Variants in CAMKMT observed in about 807,000 individuals in gnomAD.
CAMKMT encodes calmodulin-lysine N-methyltransferase.
CAMKMT carries 53 observed loss-of-function variants against 48.0 expected under a neutral mutation model. The observed-to-expected ratio is 1.10, with a 90% CI of 0.89 to 1.39. The LOEUF is 1.39. Ranked by LOEUF, CAMKMT falls within the 40% of genes most tolerant of loss-of-function variation. The pLI is 0.00. For synonymous variants in CAMKMT, 165 were observed against 152.3 expected (o/e 1.08, Z -0.61); for missense variants, 428 against 402.7 (o/e 1.06, Z -0.54).
chr2:44,590,930 A>C (rs1452577794), intron 3 of CAMKMT, among the ~76,000 whole-genome samples: 1 of 151,688 alleles, frequency 6.6e-6, no homozygotes, highest in Non-Finnish European at 1.5e-5. Context: ...TAATTTTTGT[A>C]TAAGGTGTAA....
chr2:44,669,060 G>C (rs1675175562), intron 3 of CAMKMT, among the ~76,000 whole-genome samples: 1 of 152,080 alleles, frequency 6.6e-6, no homozygotes. Flanking sequence ...TAGAATTACA[G>C]GCGTGAGCCA....
intron 3 of CAMKMT, among the ~76,000 whole-genome samples, chr2:44,417,723 C>T (rs1683654063): frequency 6.6e-6 from 1 of 152,196 alleles, no homozygotes; most frequent in Admixed American, 6.6e-5. Flanking sequence ...ATGCTTGGTA[C>T]TGTCAATTAT....
At chr2:44,599,523 G>A (rs1046223573) in intron 3 of CAMKMT, among the ~76,000 whole-genome samples, 1 of 152,006 alleles carries the variant, frequency 6.6e-6, no homozygotes, top group African/African-American at 2.4e-5. Context: ...TATTTTGTTT[G>A]ATAGGGCCAT....
At chr2:44,564,537 TTTTG>T (rs959817577) in intron 3 of CAMKMT, among the ~76,000 whole-genome samples, 7 of 151,668 alleles carry the variant, frequency 4.6e-5, no homozygotes, top group South Asian at 2.1e-4. Flanking sequence ...TGATAACACA[TTTTG>T]TTTGTTTGTT....
In CAMKMT at chr2:44,655,211, C is replaced by G. The variant is rs372071435; in HGVS notation, c.377-49072C>G. 1.0e-3 allele frequency among the ~76,000 whole-genome samples: 152 copies of G among 152,162 alleles called. 1 individual carries two copies. The highest frequency in any genetic ancestry group is 3.4e-3 in the African/African-American group (140 of 41,494). Reference sequence around the variant, plus strand: ...AGTACTTAATTTTGGCTCTTCATGGCAATAATAAACACATTTTTATTATGT... The same window carrying G: ...AGTACTTAATTTTGGCTCTTCATGGGAATAATAAACACATTTTTATTATGT... On this transcript the variant is annotated intron_variant, in intron 3 of 10. Transcript: ENST00000378494.
intron 3 of CAMKMT, chr2:44,392,222 G>A (rs1308867363): frequency 6.6e-6 from 1 of 152,102 alleles, no homozygotes; most frequent in Non-Finnish European, 1.5e-5. Context: ...TTATTAAAAT[G>A]CCTCATTATA....
At chr2:44,465,256 A>G (rs1163289737) in intron 3 of CAMKMT, among the ~76,000 whole-genome samples, 5 of 152,104 alleles carry the variant, frequency 3.3e-5, no homozygotes, top group Admixed American at 6.6e-5. Flanking sequence ...TACCTACAGA[A>G]GCTGCACAAA....
chr2:44,665,609 A>G (rs1674924047), intron 3 of CAMKMT, among the ~76,000 whole-genome samples: 1 of 152,110 alleles, frequency 6.6e-6, no homozygotes, highest in African/African-American at 2.4e-5. Context: ...TTGTCCCTCA[A>G]TGCTCCTGTC....
At chr2:44,499,217 A>T (rs537929807) in intron 3 of CAMKMT, among the ~76,000 whole-genome samples, 1 of 152,216 alleles carries the variant, frequency 6.6e-6, no homozygotes, top group Non-Finnish European at 1.5e-5. Context: ...AATGATGCTA[A>T]CAAGGACTGT....
At chr2:44,491,479 A>G (rs981839918) in intron 3 of CAMKMT, among the ~76,000 whole-genome samples, 1 of 152,194 alleles carries the variant, frequency 6.6e-6, no homozygotes, top group Non-Finnish European at 1.5e-5. Context: ...GGATATTTAA[A>G]AACTGAAGAA....
intron 3 of CAMKMT, among the ~76,000 whole-genome samples, chr2:44,611,280 A>C (rs1333396612): frequency 1.3e-5 from 2 of 151,988 alleles, no homozygotes; most frequent in African/African-American, 4.8e-5. Context: ...TAAAATACAA[A>C]AAATTAGCTG....
chr2:44,397,848 C>G (rs918685854), intron 3 of CAMKMT, among the ~76,000 whole-genome samples: 1 of 152,126 alleles, frequency 6.6e-6, no homozygotes, highest in Non-Finnish European at 1.5e-5. Flanking sequence ...GAAATAAACC[C>G]TATAATCCTT....
chr2:44,402,740 G>GTTTTTTTTTTTTTTTTTTT, intron 3 of CAMKMT, among the ~76,000 whole-genome samples: 111 of 94,008 alleles, frequency 1.2e-3, no homozygotes, highest in Middle Eastern at 6.6e-3. Flanking sequence ...TTGTTTTGCT[G>GTTTTTTTTTTTTTTTTTTT]TTTTTTTTTT....
At chr2:44,736,768 C>T (rs906248425) in intron 7 of CAMKMT, among the ~76,000 whole-genome samples, 6 of 152,052 alleles carry the variant, frequency 3.9e-5, no homozygotes, top group Middle Eastern at 6.3e-3. Context: ...TTCTCTTTTG[C>T]GGTGTCTAAT....
intron 3 of CAMKMT, chr2:44,456,740 C>T (rs1667584070): frequency 2.5e-6 from 2 of 793,738 alleles, no homozygotes; most frequent in Admixed American, 3.2e-5. Flanking sequence ...CAGAAATCCT[C>T]ATGCTAAATG....
intron 4 of CAMKMT, chr2:44,705,573 A>T: frequency 1.0e-6 from 1 of 974,216 alleles, no homozygotes; most frequent in Non-Finnish European, 1.2e-6. Flanking sequence ...TGTCAGCTTT[A>T]ACTCTGAGCC....
chr2:44,684,645 G>A (rs1402834924), intron 3 of CAMKMT, among the ~76,000 whole-genome samples: 1 of 152,148 alleles, frequency 6.6e-6, no homozygotes, highest in East Asian at 1.9e-4. Flanking sequence ...CATGGTCTCT[G>A]CTGAACAAAG....
intron 3 of CAMKMT, among the ~76,000 whole-genome samples, chr2:44,614,936 CTTTTTTTTTT>C (rs3083440): frequency 4.1e-5 from 2 of 48,990 alleles, no homozygotes; most frequent in African/African-American, 2.1e-4. Context: ...GGTCTCCTTG[CTTTTTTTTTT>C]TTTTTTTTTT....
chr2:44,376,453 T>C (rs1022025734), intron 2 of CAMKMT, among the ~76,000 whole-genome samples: 5 of 151,598 alleles, frequency 3.3e-5, no homozygotes, highest in Admixed American at 6.6e-5. Flanking sequence ...ACTGGGGATG[T>C]TACAAGTTCC....
Sources: gnomAD v4.1 joint callset for allele counts (sites outside exome capture counted in the v4.1 genomes callset) on GRCh38, gnomAD v4.1.1 for gene constraint, MANE v1.5 for transcripts, NCBI Gene and HGNC (gene_info 2026-07-23, HGNC 2026-07-21) for gene names.